Variants in TENM1 observed in about 807,000 individuals in gnomAD.
TENM1 encodes teneurin-1.
A neutral mutation model predicts 174.8 loss-of-function variants in TENM1; 35 were observed. That is an observed-to-expected ratio of 0.20 (90% CI 0.15 to 0.27). TENM1 has a LOEUF of 0.27. Ranked by LOEUF, TENM1 falls within the 10% of genes least tolerant of loss-of-function variation. The pLI, the probability that TENM1 is intolerant of heterozygous loss-of-function variation, is 1.00. For synonymous variants in TENM1, 781 were observed against 798.7 expected (o/e 0.98, Z 0.37); for missense variants, 1,633 against 2,130.1 (o/e 0.77, Z 4.59).
chrX:124,380,667 G>A lies in TENM1; in HGVS notation c.8068C>T (p.Gln2690Ter). 8.3e-7 allele frequency: 1 copy of A among 1,211,795 alleles called. No individual in the cohort carries two copies. The highest frequency in any genetic ancestry group is 1.1e-6 in the Non-Finnish European group (1 of 895,492). The change falls in exon 32 of 32, where the codon CAG becomes TAG. Residue 2690 changes from glutamine (Q) to a stop codon, truncating the protein, a stop_gained. Transcript: ENST00000422452. LOFTEE classifies it high-confidence loss of function. The stretch of plus-strand genomic sequence containing the variant: ...TGTACCCGCCCAGTGCTCAAAAGCT[G>A]CTGCTTTTCCCCTTCTGTCCATGCC...
intron 4 of TENM1, among the ~76,000 whole-genome samples, chrX:124,707,001 A>G (rs7049327): frequency 0.19 from 18,439 of 98,000 alleles, 2,532 homozygotes; most frequent in African/African-American, 0.46. Context: ...AGGCTGTAGT[A>G]CAGTGGCACG....
At chrX:125,086,761 T>C in the TENM1 span, among the ~76,000 whole-genome samples, 1 of 110,663 alleles carries the variant, frequency 9.0e-6, no homozygotes, top group Middle Eastern at 4.7e-3. Context: ...GGAAGTTGCC[T>C]GCTGCAGAAT....
the TENM1 span, among the ~76,000 whole-genome samples, chrX:124,988,744 A>G: frequency 8.9e-6 from 1 of 112,012 alleles, no homozygotes; most frequent in African/African-American, 3.2e-5. Flanking sequence ...TTGGTACAAC[A>G]TTCAAAAAGC....
the TENM1 span, among the ~76,000 whole-genome samples, chrX:125,097,092 C>T: frequency 9.0e-6 from 1 of 111,020 alleles, no homozygotes; most frequent in East Asian, 2.8e-4. Context: ...GTTCAGCTTC[C>T]AGACTCACCA....
intron 4 of TENM1, among the ~76,000 whole-genome samples, chrX:124,722,622 C>T (rs1457620825): frequency 1.8e-5 from 2 of 110,304 alleles, no homozygotes; most frequent in African/African-American, 6.6e-5. Context: ...GGGCGGATCA[C>T]GAGGTCAGGA....
At chrX:124,560,895 A>C (rs1038608517) in intron 14 of TENM1, among the ~76,000 whole-genome samples, 7 of 111,699 alleles carry the variant, frequency 6.3e-5, no homozygotes, top group Admixed American at 1.9e-4. Context: ...TTTTAGGCTC[A>C]CTCAGAGGTG....
intron 22 of TENM1, 38 bp downstream of exon 25, chrX:124,481,694 G>GGT (rs2046843728): frequency 8.7e-5 from 12 of 137,556 alleles, no homozygotes; most frequent in African/African-American, 1.4e-4. Context: ...ATGACCCAAG[G>GGT]GTATATATAT....
intron 21 of TENM1, among the ~76,000 whole-genome samples, chrX:124,486,210 T>C (rs934894669): frequency 8.9e-6 from 1 of 112,346 alleles, no homozygotes; most frequent in Non-Finnish European, 1.9e-5. Context: ...ATTTGAGATA[T>C]GTGAAGATTT....
At chrX:125,087,446 G>T in the TENM1 span, among the ~76,000 whole-genome samples, 6 of 111,168 alleles carry the variant, frequency 5.4e-5, no homozygotes, top group African/African-American at 2.0e-4. Flanking sequence ...TATAAAGCAT[G>T]AGAATAATTC....
chrX:124,820,976 G>A (rs1174899906), intron 3 of TENM1, among the ~76,000 whole-genome samples: 1 of 112,133 alleles, frequency 8.9e-6, no homozygotes, highest in Non-Finnish European at 1.9e-5. Context: ...CCTTCTTTAC[G>A]TAACCCTCCA....
chrX:125,053,334 T>C, the TENM1 span, among the ~76,000 whole-genome samples: 1 of 111,900 alleles, frequency 8.9e-6, no homozygotes, highest in Non-Finnish European at 1.9e-5. Flanking sequence ...CTCTGCAGTT[T>C]ACTAGCCATA....
intron 3 of TENM1, among the ~76,000 whole-genome samples, chrX:124,806,556 TAAAAG>T (rs770125772): frequency 2.9e-3 from 325 of 111,715 alleles, no homozygotes; most frequent in Non-Finnish European, 5.1e-3. Flanking sequence ...CTGAAAGCAG[TAAAAG>T]AAAAGAAGCA....
At chrX:125,045,046 G>A in the TENM1 span, among the ~76,000 whole-genome samples, 6 of 111,363 alleles carry the variant, frequency 5.4e-5, no homozygotes, top group Admixed American at 4.8e-4. Context: ...GAGGCCTCAC[G>A]AGACTTACAA....
At chrX:124,993,336 G>C in the TENM1 span, among the ~76,000 whole-genome samples, 1 of 110,853 alleles carries the variant, frequency 9.0e-6, no homozygotes, top group African/African-American at 3.3e-5. Flanking sequence ...ACTTTTTCCT[G>C]AGATAGTCAA....
chrX:124,530,404 T>C (rs1287247250), intron 15 of TENM1, among the ~76,000 whole-genome samples: 1 of 111,009 alleles, frequency 9.0e-6, no homozygotes, highest in Non-Finnish European at 1.9e-5. Context: ...AGTTGTGGAA[T>C]GATACTTTTC....
chrX:125,001,925 TCACACACACACACACACACACACAC>T, the TENM1 span, among the ~76,000 whole-genome samples: 1 of 67,269 alleles, frequency 1.5e-5, no homozygotes, highest in Non-Finnish European at 2.9e-5. Context: ...TCTAGAGAGA[TCACACACACACACACACACACACAC>T]ACACACACAC....
chrX:124,551,366 T>C (rs935001229), intron 14 of TENM1, among the ~76,000 whole-genome samples: 1 of 111,296 alleles, frequency 9.0e-6, no homozygotes, highest in Non-Finnish European at 1.9e-5. Context: ...TGGGGATTGG[T>C]TATGGGGATA....
the TENM1 span, among the ~76,000 whole-genome samples, chrX:125,134,942 T>C: frequency 2.7e-5 from 3 of 111,171 alleles, no homozygotes; most frequent in African/African-American, 9.8e-5. Context: ...GGGTGGTCTC[T>C]TTAAGAATAG....
chrX:125,150,494 AGTGGCTC>A, the TENM1 span, among the ~76,000 whole-genome samples: 8 of 111,875 alleles, frequency 7.2e-5, no homozygotes, highest in Non-Finnish European at 1.1e-4. Context: ...AAGTAAAATG[AGTGGCTC>A]ATTTGGGGGA....
Sources: gnomAD v4.1 joint callset for allele counts (sites outside exome capture counted in the v4.1 genomes callset) on GRCh38, gnomAD v4.1.1 for gene constraint, MANE v1.5 for transcripts, NCBI Gene and HGNC (gene_info 2026-07-23, HGNC 2026-07-21) for gene names.